Variants in MUC6 observed in about 807,000 individuals in gnomAD.
MUC6 encodes the protein mucin-6.
A neutral mutation model predicts 201.5 loss-of-function variants in MUC6; 188 were observed. The ratio of observed to expected loss-of-function variants is 0.93; its 90% CI spans 0.83 to 1.05. The LOEUF (loss-of-function observed/expected upper bound fraction) is 1.05. Among genes scored for constraint, MUC6 ranks in the 50% least tolerant of loss-of-function variants. The pLI, the probability that MUC6 is intolerant of heterozygous loss-of-function variation, is 0.00. For synonymous variants in MUC6, 1,228 were observed against 1,389.4 expected, an observed-to-expected ratio of 0.88 and a Z score of 2.58; for missense variants, 2,706 against 3,256.9, an observed-to-expected ratio of 0.83 and a Z score of 4.12.
chr11:1,033,131 C>T lies in MUC6; in HGVS notation c.53-56G>A. The T allele has an allele frequency of 3.3e-6, 5 of 1,535,856 alleles. No homozygotes were observed. Among genetic ancestry groups the T allele is most frequent in the Non-Finnish European group, 4.5e-6 (5 of 1,109,668 alleles). On this transcript the variant is annotated intron_variant, in intron 1 of 32. Coordinates refer to ENST00000421673, the MANE Select transcript of MUC6 (RefSeq NM_005961.3). This position sits in a 1 kb window ranked among gnomAD's most constrained non-coding sequence, Gnocchi z 5.6. ...GGCTACCCCGTCGTCCCTGAGGGCG[C>T]CGCTCACCTCTGCTCAGGGCTGCTC...
At chr11:1,025,953 C>T (rs780718670) in intron 21 of MUC6, 38 bp from the exon 22 acceptor site, 37 of 1,594,902 alleles carry the variant, frequency 2.3e-5, no homozygotes, top group Non-Finnish European at 2.7e-5. Flanking sequence ...CCCTGGAGGC[C>T]GTGCCTCTGG....
chr11:1,022,849 A>G (rs1179559148), intron 26 of MUC6, among the ~76,000 whole-genome samples: 1 of 151,610 alleles, frequency 6.6e-6, no homozygotes, highest in Non-Finnish European at 1.5e-5. Context: ...GAATGAATGA[A>G]TATGTGTGAA....
Position 1,018,497 on chromosome 11 carries a change from G to A in MUC6, c.4304C>T (p.Thr1435Ile), listed in dbSNP as rs752733662. The part of the protein sequence containing the change: ...TSFHATTTYP[T>I]PSHPETTLPT... Reference sequence around the variant, plus strand: ...AAGTGTGGTCTCAGGGTGTGATGGGGTTGGATAGGTAGTGGTGGCATGGAA... The same window carrying A: ...AAGTGTGGTCTCAGGGTGTGATGGGATTGGATAGGTAGTGGTGGCATGGAA... Residue 1435 changes from threonine to isoleucine, a missense_variant, in exon 31 of 33, where the codon ACC becomes ATC. This residue lies in a region of MUC6 where 128 missense variants were observed against 206.5 expected (regional missense o/e 0.62). Transcript: ENST00000421673. 6.2e-7 allele frequency: 1 copy of A among 1,613,936 alleles called. No individual in the cohort carries two copies. Among genetic ancestry groups the A allele is most frequent in the African/African-American group, 1.3e-5 (1 of 75,042 alleles).
rs1041578720 is a variant in MUC6, at chr11:1,031,224, G to A, written c.519C>T (p.Cys173=). Residue 173 remains cysteine, a synonymous_variant, in exon 5 of 33, where the codon TGC becomes TGT. Transcript: ENST00000421673. The part of the protein sequence containing the change: ...LVERKYMGQM[C]GLCGNFDGKV... ...TCCCGTCAAAGTTCCCGCAGAGCCC[G>A]CACATCTGACCCATGTACTTCCGCT... is the stretch of plus-strand genomic sequence containing the variant. The A allele has an allele frequency of 8.9e-6, 14 of 1,575,334 alleles. No homozygotes were observed. Among genetic ancestry groups the A allele is most frequent in the Middle Eastern group, 1.7e-4 (1 of 5,980 alleles).
At chr11:1,035,681 ACCCCTG>A (rs1252735658) in intron 1 of MUC6, among the ~76,000 whole-genome samples, 1 of 151,434 alleles carries the variant, frequency 6.6e-6, no homozygotes, top group Non-Finnish European at 1.5e-5. Context: ...ACAGTGGGAC[ACCCCTG>A]GGGGGGTCCC....
Position 1,027,725 on chromosome 11 carries a change from G to A in MUC6, c.1941C>T (p.Gly647=), listed in dbSNP as rs566312725. The A allele has an allele frequency of 1.8e-5, 29 of 1,606,504 alleles. No homozygotes were observed. Among genetic ancestry groups the A allele is most frequent in the East Asian group, 9.0e-5 (4 of 44,642 alleles). The part of the protein sequence containing the change: ...GDYVHACSLR[G]VLLWGWRSSV... ...TGCTTCTCCAGCCCCAGAGCAGGAC[G>A]CCCCGCAAGGAGCAGGCGTGTACGT... The change falls in exon 16 of 33, where the codon GGC becomes GGT. Residue 647 remains glycine, a synonymous_variant. Coordinates refer to ENST00000421673, the MANE Select transcript of MUC6 (RefSeq NM_005961.3).
intron 24 of MUC6, 147 bp from the exon 25 acceptor site, chr11:1,024,250 G>C: frequency 3.0e-6 from 3 of 988,048 alleles, no homozygotes; most frequent in Non-Finnish European, 4.4e-6. Context: ...GTGGACCTCA[G>C]CCCTGACCGC....
At position 1,018,623 on chromosome 11, in the gene MUC6, G is replaced by A. The variant is rs182278499; in HGVS notation, c.4178C>T (p.Thr1393Met). 1.4e-5 allele frequency: 23 copies of A among 1,613,356 alleles called. No homozygotes were observed. The highest frequency in any genetic ancestry group is 1.6e-4 in the Middle Eastern group (1 of 6,078). ...PTATETTQTR[T>M]TTEYTTPQTP... is the part of the protein sequence containing the mutation. ...TTGGGGCGTTGTGTATTCAGTAGTC[G>A]TTCTTGTTTGAGTGGTCTCTGTGGC... The change falls in exon 31 of 33, where the codon ACG (threonine) becomes ATG (methionine). Residue 1393 changes from threonine (T) to methionine (M), a missense_variant. Thr to Met is a moderately conservative substitution (Grantham distance 81, BLOSUM62 -1). Coordinates refer to ENST00000421673, the MANE Select transcript of MUC6 (RefSeq NM_005961.3).
rs1461202698 is a variant in MUC6 at position 1,029,245 on chromosome 11, T to A, written c.1258A>T (p.Thr420Ser). 3.1e-6 allele frequency: 5 copies of A among 1,607,642 alleles called. No homozygotes were observed. Among genetic ancestry groups the A allele is most frequent in the Non-Finnish European group, 4.2e-6 (5 of 1,177,888 alleles). ...CGTCCTACCTGGAGGAGGATGTAGGTGCAGGTGCCGTGGAAGCGGTAGGGC... is the reference window on the plus strand; with the variant it reads ...CGTCCTACCTGGAGGAGGATGTAGGAGCAGGTGCCGTGGAAGCGGTAGGGC... The part of the protein sequence containing the change: ...ARPYRFHGTC[T>S]YILLQSPQLP... Residue 420 changes from threonine to serine, a missense_variant, in exon 10 of 33, where the codon ACC (threonine) becomes TCC (serine). Coordinates refer to ENST00000421673, the MANE Select transcript of MUC6 (RefSeq NM_005961.3).
chr11:1,035,906 G>GCCACA (rs1473685928), intron 1 of MUC6, among the ~76,000 whole-genome samples: 9 of 152,144 alleles, frequency 5.9e-5, no homozygotes, highest in African/African-American at 2.2e-4. Context: ...GGCCACAGAG[G>GCCACA]GACCCCTTGG....
chr11:1,020,640 G>C (rs767793427), intron 28 of MUC6, 44 bp downstream of exon 28: 2 of 1,612,922 alleles, frequency 1.2e-6, no homozygotes. Flanking sequence ...GGGAGCCCAG[G>C]AAAGGGCCTG....
intron 31 of MUC6, among the ~76,000 whole-genome samples, chr11:1,015,337 T>C (rs1259736792): frequency 6.6e-6 from 1 of 152,228 alleles, no homozygotes; most frequent in African/African-American, 2.4e-5. Context: ...GCCAGACTTT[T>C]GTGTCTCTCT....
intron 2 of MUC6, among the ~76,000 whole-genome samples, chr11:1,032,310 T>C (rs923126984): frequency 1.6e-4 from 25 of 152,212 alleles, no homozygotes; most frequent in African/African-American, 5.1e-4. Flanking sequence ...TGTGTGCACG[T>C]ATGTGCGTGT....
rs573979427 is a variant in MUC6, at chr11:1,024,951, C to A, written c.3118G>T (p.Val1040Leu). ...SWKESPLCGD[V>L]SFVTDPCSLN... ...CTGCAGGGGTCTGTCACGAAGCTCA[C>A]GTCCCCGCACAGCGGGCTCTCCTTC... The change falls in exon 24 of 33, where the codon GTG (valine) becomes TTG (leucine). Residue 1040 changes from valine to leucine, a missense_variant. By Grantham distance (32) the Val-to-Leu change is conservative (BLOSUM62 1). Coordinates refer to ENST00000421673, the MANE Select transcript of MUC6 (RefSeq NM_005961.3). 2.5e-6 allele frequency: 4 copies of A among 1,613,064 alleles called. No homozygotes were observed. In the South Asian group the frequency reaches 3.3e-5, roughly 13 times the overall value.
chr11:1,030,366 T>TACCCCCCCC, intron 7 of MUC6, 31 bp from the exon 8 acceptor site: 4 of 1,489,592 alleles, frequency 2.7e-6, no homozygotes, highest in East Asian at 2.5e-5. Flanking sequence ...GGTGAGAGGG[T>TACCCCCCCC]CCCACCCCCC....
chr11:1,030,369 C>CCCCCCCCCCCCCCCCCCCCTG, intron 7 of MUC6, 34 bp from the exon 8 acceptor site: 1 of 1,523,304 alleles, frequency 6.6e-7, no homozygotes, highest in Non-Finnish European at 8.8e-7. Flanking sequence ...GAGAGGGTCC[C>CCCCCCCCCCCCCCCCCCCCTG]ACCCCCCCCA....
chr11:1,026,977 G>T lies in MUC6; in HGVS notation c.2358C>A (p.Ala786=). The part of the protein sequence containing the change: ...SSENKFGAAC[A]PTCQMLATGV... ...CGGTGGCCAGCATCTGGCATGTGGG[G>T]GCACAGGCTGCCCCAAACTTGTTCT... is the stretch of plus-strand genomic sequence containing the variant. Residue 786 remains alanine (A), a synonymous_variant, in exon 19 of 33, where the codon GCC becomes GCA. Transcript: ENST00000421673. 1 of 1,599,312 alleles carries T rather than the reference G, an allele frequency of 6.3e-7. No homozygotes were observed. The highest frequency in any genetic ancestry group is 8.5e-7 in the Non-Finnish European group (1 of 1,173,750).
At chr11:1,021,679 C>G (rs1393444416) in intron 26 of MUC6, among the ~76,000 whole-genome samples, 1 of 152,006 alleles carries the variant, frequency 6.6e-6, no homozygotes, top group Non-Finnish European at 1.5e-5. Flanking sequence ...CTAAGCCCCT[C>G]CTTTCCTGCC....
rs762339289 is a variant in MUC6, at chr11:1,028,329, G to A, written c.1650C>T (p.Ile550=). ...CAAACAGCGAGGCGGTGCCCTCGGC[G>A]ATACCCATGCTAGTGGTGAAGTCAT... ...TTDDFTTSMG[I]AEGTASLFVD... Residue 550 remains isoleucine, a synonymous_variant, in exon 14 of 33, where the codon ATC becomes ATT. Coordinates refer to ENST00000421673, the MANE Select transcript of MUC6 (RefSeq NM_005961.3). The A allele has an allele frequency of 2.5e-6, 4 of 1,612,550 alleles. No individual in the cohort carries two copies. The highest frequency in any genetic ancestry group is 1.7e-5 in the Admixed American group (1 of 59,988).
Sources: gnomAD v4.1 joint callset for allele counts (sites outside exome capture counted in the v4.1 genomes callset) on GRCh38, gnomAD v4.1.1 for gene constraint, gnomAD v4.1.1 regional missense constraint, Gnocchi (gnomAD v3.1) non-coding constraint, MANE v1.5 for transcripts, NCBI Gene and HGNC (gene_info 2026-07-23, HGNC 2026-07-21) for gene names.